DLG2: variants seen among roughly 807,000 people sequenced by gnomAD.
The protein encoded by DLG2 is disks large homolog 2.
In DLG2, 45 loss-of-function variants were observed where a neutral mutation model predicts 132.5. The ratio of observed to expected loss-of-function variants is 0.34; its 90% CI spans 0.27 to 0.44. The LOEUF (loss-of-function observed/expected upper bound fraction) is 0.44. Among genes scored for constraint, DLG2 ranks in the 20% least tolerant of loss-of-function variants. The pLI is 1.00. For missense variants in DLG2, 1,045 were observed against 1,196.9 expected, an observed-to-expected ratio of 0.87 and a Z score of 1.87; for synonymous variants, 424 against 419.6, an observed-to-expected ratio of 1.01 and a Z score of -0.13.
At chr11:83,738,329 GCC>G (rs1427896416) in intron 18 of DLG2, among the ~76,000 whole-genome samples, 1 of 151,970 alleles carries the variant, frequency 6.6e-6, no homozygotes, top group Non-Finnish European at 1.5e-5. Context: ...GCAGTACACA[GCC>G]AAGATTTTTT....
At chr11:83,974,815 C>G (rs928147251) in intron 12 of DLG2, among the ~76,000 whole-genome samples, 2 of 152,154 alleles carry the variant, frequency 1.3e-5, no homozygotes, top group South Asian at 4.1e-4. Flanking sequence ...GACTGAAATC[C>G]AGCTTTCTCA....
At chr11:83,718,891 G>A (rs1162407468) in intron 18 of DLG2, among the ~76,000 whole-genome samples, 2 of 152,154 alleles carry the variant, frequency 1.3e-5, no homozygotes, top group Admixed American at 1.3e-4. Context: ...GGCAAGTGAA[G>A]GTCACATTCT....
At chr11:85,007,625 A>G (rs1453529369) in intron 6 of DLG2, among the ~76,000 whole-genome samples, 2 of 141,630 alleles carry the variant, frequency 1.4e-5, no homozygotes, top group Non-Finnish European at 3.0e-5. Context: ...GTGATTGGCC[A>G]CTGCACTCCA....
In DLG2 at chr11:83,458,295, T is replaced by G. The variant is rs1376912372; in HGVS notation, c.*1523A>C. On this transcript the variant is annotated 3_prime_UTR_variant, in exon 28 of 28. Transcript: ENST00000376104. ...GGAAACCAACTCTTCTAGTTCAGTT[T>G]ATAGGCTTTGGGAGGTTTCTTTTTT... The G allele has an allele frequency of 6.6e-6, 1 of 152,650 alleles. No individual in the cohort carries two copies. The highest frequency in any genetic ancestry group is 1.5e-5 in the Non-Finnish European group (1 of 68,036). The allele number at this position is 152,650 out of a possible 1,614,324, so 9.5% of individuals were successfully genotyped here.
Position 85,515,782 on chromosome 11 carries a change from G to A in DLG2, c.40+82875C>T, listed in dbSNP as rs909513063. Among the ~76,000 whole-genome samples the A allele has an allele frequency of 3.9e-5, 6 of 152,048 alleles. No individual in the cohort carries two copies. In the East Asian group the frequency reaches 7.7e-4, roughly 20 times the overall value. ...ATAGTAGAAATTTGTGAGGTTTTAT[G>A]AATCTTCTATCCATAAATGGTTATG... On this transcript the variant is annotated intron_variant, in intron 3 of 27. Coordinates refer to ENST00000376104, the MANE Select transcript of DLG2 (RefSeq NM_001142699.3).
chr11:83,811,433 T>C (rs1380943215), intron 17 of DLG2, among the ~76,000 whole-genome samples: 1 of 152,102 alleles, frequency 6.6e-6, no homozygotes, highest in East Asian at 1.9e-4. Flanking sequence ...CAACTTCATA[T>C]GGTTCAGCCT....
intron 6 of DLG2, among the ~76,000 whole-genome samples, chr11:85,043,194 A>C (rs954884175): frequency 2.6e-5 from 4 of 151,932 alleles, no homozygotes; most frequent in Admixed American, 2.6e-4. Context: ...TTCTGTTATA[A>C]ATAACTTTAT....
At chr11:85,321,453 T>C (rs1278381712) in intron 3 of DLG2, among the ~76,000 whole-genome samples, 2 of 151,906 alleles carry the variant, frequency 1.3e-5, no homozygotes, top group East Asian at 3.9e-4. Context: ...TGCATTTAAG[T>C]CACAAAACTG....
chr11:84,468,248 T>C (rs958163769), intron 7 of DLG2, among the ~76,000 whole-genome samples: 1 of 151,474 alleles, frequency 6.6e-6, no homozygotes, highest in Non-Finnish European at 1.5e-5. Flanking sequence ...AACTTTGGGT[T>C]TAGTGCACAT....
chr11:84,052,952 G>T (rs920169440), intron 11 of DLG2, among the ~76,000 whole-genome samples: 1 of 152,048 alleles, frequency 6.6e-6, no homozygotes, highest in Non-Finnish European at 1.5e-5. Context: ...CTATTATAAA[G>T]ATACATGCAG....
chr11:85,386,859 C>CA (rs570682669), intron 3 of DLG2, among the ~76,000 whole-genome samples: 620 of 97,020 alleles, frequency 6.4e-3, no homozygotes, highest in Non-Finnish European at 9.1e-3. Context: ...GGAAGGCAAC[C>CA]AAAAAAAAAA....
At chr11:85,595,020 G>A (rs1044518902) in intron 3 of DLG2, among the ~76,000 whole-genome samples, 1 of 136,118 alleles carries the variant, frequency 7.3e-6, no homozygotes, top group Non-Finnish European at 1.5e-5. Flanking sequence ...AGCCGATATC[G>A]CACCACTGCA....
At chr11:84,399,938 A>G (rs1466401093) in intron 7 of DLG2, among the ~76,000 whole-genome samples, 3 of 152,204 alleles carry the variant, frequency 2.0e-5, no homozygotes, top group African/African-American at 7.2e-5. Context: ...TTGTCAATAT[A>G]TCGACTGCTA....
intron 18 of DLG2, among the ~76,000 whole-genome samples, chr11:83,704,104 T>G (rs973410203): frequency 1.3e-5 from 2 of 152,156 alleles, no homozygotes; most frequent in Non-Finnish European, 2.9e-5. Context: ...TTATTTTTTA[T>G]AATTTAAAAA....
chr11:84,059,685 C>T (rs2096560500), intron 10 of DLG2, among the ~76,000 whole-genome samples: 1 of 152,102 alleles, frequency 6.6e-6, no homozygotes, highest in Non-Finnish European at 1.5e-5. Flanking sequence ...TCTTCCTAAC[C>T]ACTTTTGACC....
In DLG2 at chr11:84,875,719, A is replaced by C. The variant is rs964869189; in HGVS notation, c.357+235942T>G. Among the ~76,000 whole-genome samples, 5 of 152,238 alleles carry C rather than the reference A, an allele frequency of 3.3e-5. No homozygotes were observed. In the South Asian group the frequency reaches 1.0e-3, roughly 32 times the overall value. On this transcript the variant is annotated intron_variant, in intron 6 of 27. Transcript: ENST00000376104. ...GGAGCAACTGGACCTCAATAAAAGT[A>C]GAAGAAAAATCTTATTTCCTTCTCC...
At chr11:85,377,318 T>G (rs1046504912) in intron 3 of DLG2, among the ~76,000 whole-genome samples, 1 of 152,158 alleles carries the variant, frequency 6.6e-6, no homozygotes, top group African/African-American at 2.4e-5. Flanking sequence ...TACCAGGTTT[T>G]AAGGCCTCAG....
intron 18 of DLG2, among the ~76,000 whole-genome samples, chr11:83,707,215 A>C (rs2084220652): frequency 6.6e-6 from 1 of 152,218 alleles, no homozygotes; most frequent in Non-Finnish European, 1.5e-5. Flanking sequence ...AGGGCCTATA[A>C]GCATCCAAAC....
chr11:83,506,104 T>C (rs2094685417), intron 21 of DLG2, among the ~76,000 whole-genome samples: 1 of 152,192 alleles, frequency 6.6e-6, no homozygotes, highest in Non-Finnish European at 1.5e-5. Flanking sequence ...AGCACTTAGT[T>C]CATGATTGGC....
Sources: allele counts gnomAD v4.1 joint callset (sites outside exome capture counted in the v4.1 genomes callset), GRCh38; gene constraint gnomAD v4.1.1; transcripts MANE v1.5; gene names NCBI Gene and HGNC (gene_info 2026-07-23, HGNC 2026-07-21).